The following HMCN1 variants were observed in gnomAD, a reference collection of about 807,000 sequenced individuals.
HMCN1 encodes hemicentin-1.
HMCN1 carries 321 observed loss-of-function variants against 625.9 expected under a neutral mutation model. The observed-to-expected ratio is 0.51, with a 90% CI of 0.47 to 0.56. The LOEUF is 0.56. HMCN1 is among the 20% of genes least tolerant of loss of function. The pLI is 0.00. For synonymous variants in HMCN1, 2,425 were observed against 2,417.6 expected, an observed-to-expected ratio of 1.00 and a Z score of -0.09; for missense variants, 6,588 against 6,887.3, an observed-to-expected ratio of 0.96 and a Z score of 1.54.
chr1:186,086,795 T>TA (rs56350101), intron 58 of HMCN1, among the ~76,000 whole-genome samples: 2 of 121,382 alleles, frequency 1.6e-5, no homozygotes, highest in African/African-American at 5.5e-5. Context: ...GATAGATAGA[T>TA]GATAGATAGA....
intron 24 of HMCN1, among the ~76,000 whole-genome samples, chr1:185,995,339 C>G (rs767698424): frequency 1.3e-5 from 2 of 151,978 alleles, no homozygotes; most frequent in Non-Finnish European, 2.9e-5. Flanking sequence ...AGAAACAATC[C>G]TAGATGATGC....
chr1:185,995,174 TTAA>T, intron 24 of HMCN1, 87 bp downstream of exon 24: 7 of 1,223,278 alleles, frequency 5.7e-6, no homozygotes, highest in Non-Finnish European at 8.4e-6. Context: ...TTCGATAATC[TTAA>T]ATGACTTCAG....
chr1:185,809,390 C>T (rs1659370658), intron 1 of HMCN1, among the ~76,000 whole-genome samples: 2 of 151,908 alleles, frequency 1.3e-5, no homozygotes, highest in African/African-American at 4.8e-5. Context: ...ACACACACAA[C>T]ATACATGTGA....
intron 35 of HMCN1, among the ~76,000 whole-genome samples, chr1:186,020,066 T>G (rs533281088): frequency 1.7e-4 from 26 of 152,128 alleles, no homozygotes; most frequent in African/African-American, 6.0e-4. Flanking sequence ...TACATAAATG[T>G]AGGTAACATA....
intron 1 of HMCN1, among the ~76,000 whole-genome samples, chr1:185,773,072 G>T (rs1656355441): frequency 6.6e-6 from 1 of 152,160 alleles, no homozygotes; most frequent in Admixed American, 6.6e-5. Context: ...TCAGACCACA[G>T]CAATGACCCT....
chr1:185,962,639 G>A lies in HMCN1; in HGVS notation c.1950G>A (p.Met650Ile). The change falls in exon 12 of 107, where the codon ATG becomes ATA. Residue 650 changes from methionine (M) to isoleucine (I), a missense_variant. Physicochemically the swap from Met to Ile is conservative, Grantham distance 10 (BLOSUM62 1). This residue lies in a region of HMCN1 where 4,628 missense variants were observed against 4,853.1 expected (regional missense o/e 0.95). Coordinates refer to ENST00000271588, the MANE Select transcript of HMCN1 (RefSeq NM_031935.3). Reference protein sequence around the residue: ...KPKIAWTVNDMFIVGSHRYRM... With the variant: ...KPKIAWTVNDIFIVGSHRYRM... ...AGATTGCCTGGACCGTTAACGATAT[G>A]TTTATCGTGGGTTCACACAGGTACT... 1 of 1,579,660 alleles carries A rather than the reference G, an allele frequency of 6.3e-7. No individual in the cohort carries two copies. Among genetic ancestry groups the A allele is most frequent in the Non-Finnish European group, 8.7e-7 (1 of 1,148,574 alleles).
At chr1:186,163,691 A>G (rs900478157) in intron 97 of HMCN1, among the ~76,000 whole-genome samples, 2 of 152,220 alleles carry the variant, frequency 1.3e-5, no homozygotes, top group South Asian at 4.1e-4. Context: ...CGGCAGACAC[A>G]TTCAAAGCTT....
intron 100 of HMCN1, among the ~76,000 whole-genome samples, chr1:186,167,460 T>G (rs1651950320): frequency 6.6e-6 from 1 of 152,214 alleles, no homozygotes; most frequent in Non-Finnish European, 1.5e-5. Flanking sequence ...GCGGTACGTT[T>G]GTTACAGTCA....
chr1:185,999,367 C>G (rs1653020360), intron 25 of HMCN1, among the ~76,000 whole-genome samples: 1 of 151,882 alleles, frequency 6.6e-6, no homozygotes, highest in South Asian at 2.1e-4. Flanking sequence ...CCTTTTGATT[C>G]TATTATACAC....
chr1:186,145,288 T>G, intron 91 of HMCN1, 115 bp from the exon 92 acceptor site: 1 of 1,036,522 alleles, frequency 9.6e-7, no homozygotes, highest in Non-Finnish European at 1.4e-6. Flanking sequence ...CTTGCATGTT[T>G]TGTTTTAGGT....
At chr1:185,975,898 A>G (rs1173213743) in intron 15 of HMCN1, among the ~76,000 whole-genome samples, 1 of 152,026 alleles carries the variant, frequency 6.6e-6, no homozygotes, top group African/African-American at 2.4e-5. Context: ...ACACACACAC[A>G]CACACACACG....
At chr1:185,888,903 A>G (rs1380433704) in intron 4 of HMCN1, among the ~76,000 whole-genome samples, 1 of 147,488 alleles carries the variant, frequency 6.8e-6, no homozygotes, top group Non-Finnish European at 1.5e-5. Context: ...CTTAGGCAGT[A>G]TGGCCATTTT....
chr1:186,189,839 A>G lies in HMCN1; in HGVS notation c.16869A>G (p.Thr5623=). 1.2e-6 allele frequency: 2 copies of G among 1,613,826 alleles called. No homozygotes were observed. Among genetic ancestry groups the G allele is most frequent in the Non-Finnish European group, 8.5e-7 (1 of 1,179,838 alleles). ...ATGGGACCATTGAATATCAGACCACATTCATAGTTTATATAGCTGTGTCCG... is the reference window on the plus strand; with the variant it reads ...ATGGGACCATTGAATATCAGACCACGTTCATAGTTTATATAGCTGTGTCCG... ...SANGTIEYQT[T]FIVYIAVSAY... Residue 5623 remains threonine, a synonymous_variant, in exon 107 of 107, where the codon ACA becomes ACG. Transcript: ENST00000271588.
chr1:185,949,871 T>C (rs1210437759), intron 11 of HMCN1, among the ~76,000 whole-genome samples: 1 of 151,748 alleles, frequency 6.6e-6, no homozygotes, highest in Non-Finnish European at 1.5e-5. Context: ...GCCTGAATAA[T>C]CCCTGAGGAG....
Position 186,179,722 on chromosome 1 carries a change from T to A in HMCN1, c.16294+956T>A, listed in dbSNP as rs115975396. Among the ~76,000 whole-genome samples, 1,359 of 152,274 alleles carry A rather than the reference T, an allele frequency of 8.9e-3. 23 individuals are homozygous for A. The highest frequency in any genetic ancestry group is 0.026 in the African/African-American group (1,087 of 41,542). ...TGCTTACTCTCTTAACTATGCTTTT[T>A]GCTAAACATTTTTTAAACATTTCTT... On this transcript the variant is annotated intron_variant, in intron 104 of 106. Transcript: ENST00000271588.
intron 1 of HMCN1, among the ~76,000 whole-genome samples, chr1:185,759,980 A>T (rs1415118475): frequency 1.3e-5 from 2 of 152,234 alleles, no homozygotes; most frequent in Non-Finnish European, 2.9e-5. Flanking sequence ...ATAACAAATG[A>T]TGGAATTCTA....
chr1:186,112,676 T>C, intron 71 of HMCN1, 136 bp from the exon 72 acceptor site: 1 of 1,055,018 alleles, frequency 9.5e-7, no homozygotes, highest in Non-Finnish European at 1.4e-6. Flanking sequence ...ACTACGAAAA[T>C]GGTGGAGGAG....
At chr1:185,846,866 A>G (rs777871195) in intron 2 of HMCN1, among the ~76,000 whole-genome samples, 3 of 152,176 alleles carry the variant, frequency 2.0e-5, no homozygotes, top group Non-Finnish European at 4.4e-5. Context: ...TCCTTGACCT[A>G]CAAGTTATCT....
At chr1:186,149,507 G>T (rs969628522) in intron 93 of HMCN1, among the ~76,000 whole-genome samples, 1 of 152,154 alleles carries the variant, frequency 6.6e-6, no homozygotes, top group Non-Finnish European at 1.5e-5. Flanking sequence ...ATTGTGGCTG[G>T]TTTGATCTTT....
Sources: allele counts gnomAD v4.1 joint callset (sites outside exome capture counted in the v4.1 genomes callset), GRCh38; gene constraint gnomAD v4.1.1; regional missense constraint gnomAD v4.1.1; transcripts MANE v1.5; gene names NCBI Gene and HGNC (gene_info 2026-07-23, HGNC 2026-07-21).